The following RYR3 variants were observed in gnomAD, a reference collection of about 807,000 sequenced individuals.
RYR3 encodes the protein ryanodine receptor 3.
RYR3 carries 207 observed loss-of-function variants against 584.3 expected under a neutral mutation model. The ratio of observed to expected loss-of-function variants is 0.35; its 90% CI spans 0.32 to 0.40. RYR3 has a LOEUF of 0.40. RYR3 is among the 10% of genes least tolerant of loss of function. The probability of loss-of-function intolerance (pLI) is 1.00; values close to 1 mark genes in which losing one functional copy is unlikely to be tolerated. For missense variants in RYR3, 5,616 were observed against 6,089.2 expected, an observed-to-expected ratio of 0.92 and a Z score of 2.59; for synonymous variants, 2,416 against 2,248.5, an observed-to-expected ratio of 1.07 and a Z score of -2.11.
At chr15:33,428,128 A>C (rs2044801264) in intron 1 of RYR3, among the ~76,000 whole-genome samples, 1 of 152,210 alleles carries the variant, frequency 6.6e-6, no homozygotes, top group Non-Finnish European at 1.5e-5. Context: ...TGGTAGTAGA[A>C]GGCCACCCCA....
At chr15:33,499,262 C>G (rs574634827) in intron 2 of RYR3, among the ~76,000 whole-genome samples, 2 of 150,876 alleles carry the variant, frequency 1.3e-5, no homozygotes, top group South Asian at 4.3e-4. Context: ...GCTCCATTTC[C>G]CTCCCTGTCT....
intron 1 of RYR3, among the ~76,000 whole-genome samples, chr15:33,346,924 A>C (rs1972527661): frequency 6.6e-6 from 1 of 152,170 alleles, no homozygotes; most frequent in African/African-American, 2.4e-5. Flanking sequence ...GCAACATAGC[A>C]AGACCCTGTA....
intron 55 of RYR3, 131 bp downstream of exon 55, chr15:33,748,661 C>A: frequency 2.5e-6 from 2 of 788,730 alleles, no homozygotes; most frequent in South Asian, 1.6e-5. Context: ...TGAAGACGGT[C>A]ACCTTGTGCA....
chr15:33,372,358 ATTTTT>A (rs59663566), intron 1 of RYR3, among the ~76,000 whole-genome samples: 1 of 75,548 alleles, frequency 1.3e-5, no homozygotes, highest in Non-Finnish European at 2.4e-5. Context: ...TGCCCGGCTA[ATTTTT>A]TTTTTTTTTT....
chr15:33,427,584 C>T (rs1168882757), intron 1 of RYR3, among the ~76,000 whole-genome samples: 1 of 152,162 alleles, frequency 6.6e-6, no homozygotes, highest in Non-Finnish European at 1.5e-5. Context: ...GGATGACAAT[C>T]TTTTTTCAAA....
At chr15:33,586,173 A>T in intron 16 of RYR3, 57 bp downstream of exon 16, 2 of 987,422 alleles carry the variant, frequency 2.0e-6, no homozygotes, top group Non-Finnish European at 3.3e-6. Context: ...CCCAATGTTC[A>T]TGACCATTGT....
chr15:33,688,587 A>AAAAAG lies in RYR3; in HGVS notation c.5861-7629_5861-7625dup, dbSNP rs1555409637. ...GACTCCATCTCAAAAAAAAAAAAAA[A>AAAAAG]AAAAGACATTTATGCAGCTAACAGA... On this transcript the variant is annotated intron_variant, in intron 38 of 103. Transcript: ENST00000634891. Among the ~76,000 whole-genome samples, 182 of 152,020 alleles carry AAAAAG rather than the reference A, an allele frequency of 1.2e-3. 2 individuals are homozygous for AAAAAG. Among genetic ancestry groups the AAAAAG allele is most frequent in the African/African-American group, 4.4e-3 (181 of 41,410 alleles).
chr15:33,425,863 C>T (rs2596224), intron 1 of RYR3, among the ~76,000 whole-genome samples: 21,032 of 151,936 alleles, frequency 0.14, 1,634 homozygotes, highest in Non-Finnish European at 0.17. Flanking sequence ...AGGATGGTCT[C>T]AATCTCCTGA....
chr15:33,682,164 A>T (rs574399136), intron 38 of RYR3, among the ~76,000 whole-genome samples: 1 of 152,204 alleles, frequency 6.6e-6, no homozygotes, highest in African/African-American at 2.4e-5. Context: ...AGGGTCACAC[A>T]TGGTGGGCTT....
intron 19 of RYR3, among the ~76,000 whole-genome samples, chr15:33,617,430 A>G (rs2060510432): frequency 1.3e-5 from 2 of 148,472 alleles, no homozygotes; most frequent in African/African-American, 5.0e-5. Flanking sequence ...AACGTATTTT[A>G]TAATGAAATT....
chr15:33,604,372 C>T (rs761603449), intron 18 of RYR3, among the ~76,000 whole-genome samples: 1 of 152,214 alleles, frequency 6.6e-6, no homozygotes, highest in Non-Finnish European at 1.5e-5. Flanking sequence ...ATGAAGTCAG[C>T]TCAGGTCCCA....
chr15:33,807,608 T>C (rs1474974513), intron 70 of RYR3, 39 bp downstream of exon 70: 21 of 1,546,968 alleles, frequency 1.4e-5, no homozygotes, highest in Non-Finnish European at 1.8e-5. Context: ...TCTGTCCTAG[T>C]ATTAGAGGTG....
intron 1 of RYR3, among the ~76,000 whole-genome samples, chr15:33,350,876 C>G (rs149394547): frequency 2.6e-5 from 4 of 151,940 alleles, no homozygotes; most frequent in Admixed American, 6.6e-5. Flanking sequence ...CAAACACATT[C>G]AAAAGCTAGC....
intron 1 of RYR3, among the ~76,000 whole-genome samples, chr15:33,457,207 T>G (rs1340161328): frequency 1.3e-5 from 2 of 152,196 alleles, no homozygotes; most frequent in Non-Finnish European, 2.9e-5. Context: ...TATTTAGCCA[T>G]TCTGACTCCT....
In RYR3 at chr15:33,489,869, T is replaced by G. The variant is rs368030001; in HGVS notation, c.172-13762T>G. Reference sequence around the variant, plus strand: ...TGCACCCTCACCAGCATCTGTTGTTTTTTAACTTTTTAATAATGGCCGTTC... The same window carrying G: ...TGCACCCTCACCAGCATCTGTTGTTGTTTAACTTTTTAATAATGGCCGTTC... On this transcript the variant is annotated intron_variant, in intron 2 of 103. Transcript: ENST00000634891. 6.6e-5 allele frequency among the ~76,000 whole-genome samples: 10 copies of G among 152,274 alleles called. No individual in the cohort carries two copies. The East Asian group carries it at 9.7e-4, about 15-fold the overall frequency.
chr15:33,541,630 T>G (rs2055826982), intron 7 of RYR3, among the ~76,000 whole-genome samples: 1 of 152,172 alleles, frequency 6.6e-6, no homozygotes, highest in African/African-American at 2.4e-5. Context: ...CATCACAGGC[T>G]TTAGCCCTAT....
intron 38 of RYR3, among the ~76,000 whole-genome samples, chr15:33,695,354 T>C (rs939002335): frequency 6.6e-6 from 1 of 152,206 alleles, no homozygotes; most frequent in Admixed American, 6.5e-5. Flanking sequence ...GGCTTTTTAG[T>C]ATAACCTCTG....
chr15:33,722,819 G>A lies in RYR3; in HGVS notation c.6724G>A (p.Ala2242Thr), dbSNP rs1480462834. Residue 2242 changes from alanine to threonine, a missense_variant, in exon 44 of 104, where the codon GCA becomes ACA. Ala to Thr is a moderately conservative substitution (Grantham distance 58). Coordinates refer to ENST00000634891, the MANE Select transcript of RYR3 (RefSeq NM_001036.6). The stretch of plus-strand genomic sequence containing the variant: ...GGGTGAGGGGGGAAACGGGCTCTTG[G>A]CAGCCATGCAGGGTGCCATTAAGAT... ...LRGEGGNGLLAAMQGAIKISE... is the reference protein window; with the variant it reads ...LRGEGGNGLLTAMQGAIKISE... The A allele has an allele frequency of 1.2e-6, 2 of 1,613,076 alleles. No homozygotes were observed. The highest frequency in any genetic ancestry group is 2.7e-5 in the African/African-American group (2 of 74,872).
At chr15:33,711,482 A>T (rs1326801223) in intron 43 of RYR3, among the ~76,000 whole-genome samples, 4 of 152,018 alleles carry the variant, frequency 2.6e-5, no homozygotes, top group African/African-American at 9.7e-5. Context: ...TGACTTCGTG[A>T]TCCACCCGCC....
Sources: gnomAD v4.1 joint callset for allele counts (sites outside exome capture counted in the v4.1 genomes callset) on GRCh38, gnomAD v4.1.1 for gene constraint, MANE v1.5 for transcripts, NCBI Gene and HGNC (gene_info 2026-07-23, HGNC 2026-07-21) for gene names.